Variants in ABCA1 observed in about 807,000 individuals in gnomAD.
ABCA1 encodes the protein ATP binding cassette subfamily A member 1, also known as phospholipid-transporting ATPase ABCA1.
Under a neutral mutation model 262.5 loss-of-function variants are expected in ABCA1, and 133 were observed. The observed-to-expected ratio is 0.51, with a 90% CI of 0.44 to 0.59. The LOEUF is 0.59. ABCA1 is among the 20% of genes least tolerant of loss of function. The pLI is 0.00. For missense variants in ABCA1, 2,452 were observed against 2,777.5 expected (o/e 0.88, Z 2.63); for synonymous variants, 1,022 against 1,043.5 (o/e 0.98, Z 0.40).
In ABCA1 at chr9:104,784,248, C is replaced by G. The variant is rs969929677; in HGVS notation, c.*67G>C. 9.4e-6 allele frequency: 15 copies of G among 1,603,600 alleles called. No individual in the cohort carries two copies. The highest frequency in any genetic ancestry group is 8.3e-5 in the Admixed American group (5 of 59,934). On this transcript the variant is annotated 3_prime_UTR_variant, in exon 50 of 50. Transcript: ENST00000374736. ...ACTTCTGGCTCTTTTCTCCACAACA[C>G]TTCACATGGTGCAAAGGAAAGTCTA... is the stretch of plus-strand genomic sequence containing the variant.
chr9:104,789,689 T>C (rs971542525), intron 44 of ABCA1, among the ~76,000 whole-genome samples: 11 of 152,336 alleles, frequency 7.2e-5, no homozygotes, highest in Admixed American at 7.2e-4. Flanking sequence ...GTTATACATG[T>C]GTCTACATGT....
intron 6 of ABCA1, 172 bp downstream of exon 6, chr9:104,861,507 G>T: frequency 1.1e-6 from 1 of 881,892 alleles, no homozygotes. Flanking sequence ...ACTCCTGGAT[G>T]GTTTGGCAAT....
At chr9:104,914,571 C>T (rs1488561476) in intron 1 of ABCA1, among the ~76,000 whole-genome samples, 2 of 151,876 alleles carry the variant, frequency 1.3e-5, no homozygotes, top group South Asian at 4.2e-4. Flanking sequence ...CTACAATCTT[C>T]TCTAGTGTAC....
chr9:104,822,598 C>T lies in ABCA1; in HGVS notation c.2726G>A (p.Arg909Gln), dbSNP rs574919140. 63 of 1,614,116 alleles carry T rather than the reference C, an allele frequency of 3.9e-5. 1 individual carries two copies. The South Asian group carries it at 6.1e-4, about 16-fold the overall frequency. ...ATCGACAGCCACCTTCATCCCATCT[C>T]GGTAGACTTTTACCAGGTTCTGAAT... ...VSIQNLVKVY[R>Q]DGMKVAVDGL... is the part of the protein sequence containing the mutation. Residue 909 changes from arginine (R) to glutamine (Q), a missense_variant, in exon 19 of 50, where the codon CGA becomes CAA. This residue lies in a region of ABCA1 where 665 missense variants were observed against 727.3 expected (regional missense o/e 0.91). Transcript: ENST00000374736.
At chr9:104,809,115 T>C (rs1026531706) in intron 30 of ABCA1, among the ~76,000 whole-genome samples, 1 of 152,188 alleles carries the variant, frequency 6.6e-6, no homozygotes, top group Admixed American at 6.5e-5. Context: ...AAATCATATA[T>C]AATGAGAGCC....
rs1840836102 is a variant in ABCA1 at position 104,903,517 on chromosome 9, A to G, written c.66+97T>C. The G allele has an allele frequency of 7.7e-6, 10 of 1,297,154 alleles. No individual in the cohort carries two copies. In the South Asian group the frequency reaches 8.9e-5, roughly 12 times the overall value. The allele number at this position is 1,297,154 out of a possible 1,614,324, so 80.4% of individuals were successfully genotyped here. A position where few individuals can be genotyped will look rare whatever the true frequency, so the allele number is the denominator to read the frequency against. ...TCCATCAATCCCTGTGTGAAAACCAACACAGCTTCCTTCCCTCCCTCCCTC... is the reference window on the plus strand; with the variant it reads ...TCCATCAATCCCTGTGTGAAAACCAGCACAGCTTCCTTCCCTCCCTCCCTC... On this transcript the variant is annotated intron_variant, in intron 2 of 49. Transcript: ENST00000374736.
chr9:104,915,501 A>C (rs1348325429), intron 1 of ABCA1, among the ~76,000 whole-genome samples: 1 of 152,218 alleles, frequency 6.6e-6, no homozygotes, highest in Non-Finnish European at 1.5e-5. Context: ...GTGATTCTGA[A>C]AAACAAAAAC....
intron 8 of ABCA1, among the ~76,000 whole-genome samples, chr9:104,844,339 A>C (rs983908974): frequency 1.4e-5 from 2 of 142,568 alleles, no homozygotes; most frequent in African/African-American, 4.9e-5. Flanking sequence ...AACCAGGGTA[A>C]CAAATGGCAA....
In ABCA1 at chr9:104,848,524, A is replaced by G. The variant is rs565381444; in HGVS notation, c.721-2955T>C. 8.6e-4 allele frequency among the ~76,000 whole-genome samples: 131 copies of G among 152,182 alleles called. No homozygotes were observed. The Middle Eastern group carries it at 0.017, about 20-fold the overall frequency. Reference sequence around the variant, plus strand: ...CAGCTACTAGAGAGGCTGAGGCAGGAAAATTGCTTGAACCTGGGAGGCAGA... The same window carrying G: ...CAGCTACTAGAGAGGCTGAGGCAGGGAAATTGCTTGAACCTGGGAGGCAGA... On this transcript the variant is annotated intron_variant, in intron 7 of 49. Transcript: ENST00000374736.
intron 28 of ABCA1, 29 bp downstream of exon 28, chr9:104,812,545 G>A (rs1310017610): frequency 6.2e-7 from 1 of 1,613,816 alleles, no homozygotes; most frequent in Non-Finnish European, 8.5e-7. Context: ...CATGAAGCCA[G>A]AGTCTCTGGC....
intron 1 of ABCA1, among the ~76,000 whole-genome samples, chr9:104,913,973 G>T (rs1156883011): frequency 6.6e-6 from 1 of 151,512 alleles, no homozygotes; most frequent in East Asian, 2.0e-4. Flanking sequence ...CTAATTTTTT[G>T]TATTTTTAGT....
chr9:104,783,084 A>G lies in ABCA1; in HGVS notation c.*1231T>C, dbSNP rs1828643039. 1 of 152,554 alleles carries G rather than the reference A, an allele frequency of 6.6e-6. No homozygotes were observed. The highest frequency in any genetic ancestry group is 1.5e-5 in the Non-Finnish European group (1 of 68,052). The allele number at this position is 152,554 out of a possible 1,614,324, so 9.5% of individuals were successfully genotyped here. Reference sequence around the variant, plus strand: ...ATCCTAAATGATCTGAAAGAAACTCAAATATAATGTCATGAGATCCTGACC... The same window carrying G: ...ATCCTAAATGATCTGAAAGAAACTCGAATATAATGTCATGAGATCCTGACC... On this transcript the variant is annotated 3_prime_UTR_variant, in exon 50 of 50. Transcript: ENST00000374736.
chr9:104,871,303 T>C (rs1837587557), intron 5 of ABCA1, among the ~76,000 whole-genome samples: 1 of 152,182 alleles, frequency 6.6e-6, no homozygotes, highest in African/African-American at 2.4e-5. Flanking sequence ...TTCTATTGTG[T>C]ATAAATTACT....
intron 39 of ABCA1, among the ~76,000 whole-genome samples, chr9:104,794,784 C>T (rs182785084): frequency 1.3e-5 from 2 of 152,194 alleles, no homozygotes; most frequent in African/African-American, 4.8e-5. Flanking sequence ...TAGAAACAGG[C>T]TAGATTTAAT....
At chr9:104,800,956 A>G (rs1262674109) in intron 34 of ABCA1, among the ~76,000 whole-genome samples, 1 of 152,006 alleles carries the variant, frequency 6.6e-6, no homozygotes, top group Non-Finnish European at 1.5e-5. Flanking sequence ...TGGGCCCATC[A>G]CTCAAAAGCA....
chr9:104,809,595 T>A, intron 29 of ABCA1, 31 bp from the exon 30 acceptor site: 2 of 1,566,732 alleles, frequency 1.3e-6, no homozygotes, highest in South Asian at 1.1e-5. Flanking sequence ...GCCAGCTTAG[T>A]AATTCATTAA....
intron 11 of ABCA1, 62 bp downstream of exon 11, chr9:104,836,918 G>T: frequency 7.6e-7 from 1 of 1,324,386 alleles, no homozygotes; most frequent in South Asian, 1.2e-5. Context: ...CTGGGAAAGT[G>T]ACCAGAAACT....
At chr9:104,899,097 CAAA>C (rs1314787457) in intron 2 of ABCA1, among the ~76,000 whole-genome samples, 1 of 152,130 alleles carries the variant, frequency 6.6e-6, no homozygotes, top group Non-Finnish European at 1.5e-5. Flanking sequence ...GATATTTATC[CAAA>C]TGAAACAATA....
At chr9:104,918,795 C>T (rs1742549735) in intron 1 of ABCA1, among the ~76,000 whole-genome samples, 1 of 152,136 alleles carries the variant, frequency 6.6e-6, no homozygotes, top group African/African-American at 2.4e-5. Flanking sequence ...CCAAGGAAAG[C>T]TGCTGCTTGC....
Sources: allele counts gnomAD v4.1 joint callset (sites outside exome capture counted in the v4.1 genomes callset), GRCh38; gene constraint gnomAD v4.1.1; regional missense constraint gnomAD v4.1.1; transcripts MANE v1.5; gene names NCBI Gene and HGNC (gene_info 2026-07-23, HGNC 2026-07-21).